The following PRKD1 variants were observed in gnomAD, a reference collection of about 807,000 sequenced individuals.
PRKD1 encodes the protein serine/threonine-protein kinase D1.
A neutral mutation model predicts 95.9 loss-of-function variants in PRKD1; 63 were observed. The ratio of observed to expected loss-of-function variants is 0.66; its 90% CI spans 0.54 to 0.81. PRKD1 has a LOEUF of 0.81. PRKD1 is among the 30% of genes least tolerant of loss of function. The probability of loss-of-function intolerance (pLI) is 0.00; values close to 1 mark genes in which losing one functional copy is unlikely to be tolerated. For missense variants in PRKD1, 1,048 were observed against 1,165.3 expected (o/e 0.90, Z 1.47); for synonymous variants, 425 against 423.1 (o/e 1.00, Z -0.05).
chr14:29,632,404 G>C (rs1412587845), intron 9 of PRKD1, among the ~76,000 whole-genome samples: 1 of 151,762 alleles, frequency 6.6e-6, no homozygotes, highest in Non-Finnish European at 1.5e-5. Flanking sequence ...AATGTAGAGG[G>C]ACAGAATAAA....
At chr14:29,618,578 C>A (rs989272762) in intron 13 of PRKD1, among the ~76,000 whole-genome samples, 1 of 152,040 alleles carries the variant, frequency 6.6e-6, no homozygotes, top group South Asian at 2.1e-4. Flanking sequence ...AACTAACACC[C>A]GTCTGAAACA....
At chr14:29,730,959 T>C (rs1886404556) in intron 1 of PRKD1, among the ~76,000 whole-genome samples, 1 of 152,112 alleles carries the variant, frequency 6.6e-6, no homozygotes, top group Non-Finnish European at 1.5e-5. Context: ...GATAATAATA[T>C]TATATTGTAT....
rs58908662 is a variant in PRKD1 at position 29,734,028 on chromosome 14, C to CTTTT, written c.265-8358_265-8355dup. On this transcript the variant is annotated intron_variant, in intron 1 of 17. Transcript: ENST00000331968. ...CTGGTTTTGAGTCATACTTTCCTGCCTTTTTTTTTTTTTTTTTTTTTTTTT... is the reference window on the plus strand; with the variant it reads ...CTGGTTTTGAGTCATACTTTCCTGCCTTTTTTTTTTTTTTTTTTTTTTTTTTTTT... 1.4e-3 allele frequency among the ~76,000 whole-genome samples: 91 copies of CTTTT among 64,668 alleles called. 14 individuals carry two copies. The highest frequency in any genetic ancestry group is 2.1e-3 in the African/African-American group (27 of 12,728). The allele number at this position is 64,668 out of a possible 152,430, so 42.4% of individuals were successfully genotyped here.
intron 2 of PRKD1, among the ~76,000 whole-genome samples, chr14:29,710,266 G>A (rs866198089): frequency 6.6e-6 from 1 of 151,930 alleles, no homozygotes; most frequent in South Asian, 2.1e-4. Flanking sequence ...GACAGAGTTG[G>A]GCAAAGGAAG....
chr14:29,646,571 A>AGAT (rs1454272318), intron 4 of PRKD1, among the ~76,000 whole-genome samples: 1 of 147,698 alleles, frequency 6.8e-6, no homozygotes, highest in Non-Finnish European at 1.5e-5. Context: ...ATAGATAGAT[A>AGAT]AATTTTTTTC....
chr14:29,750,270 G>A (rs1375647096), intron 1 of PRKD1, among the ~76,000 whole-genome samples: 1 of 152,130 alleles, frequency 6.6e-6, no homozygotes, highest in Non-Finnish European at 1.5e-5. Flanking sequence ...GTCATTGGTA[G>A]GTTCTTGGGA....
intron 1 of PRKD1, among the ~76,000 whole-genome samples, chr14:29,781,984 T>A (rs915751099): frequency 3.3e-5 from 5 of 152,220 alleles, no homozygotes; most frequent in African/African-American, 1.2e-4. Flanking sequence ...TTCTCTGATC[T>A]TGTCAAGAAT....
At chr14:29,641,434 T>C (rs549212397) in intron 4 of PRKD1, among the ~76,000 whole-genome samples, 12 of 152,300 alleles carry the variant, frequency 7.9e-5, no homozygotes, top group South Asian at 4.1e-4. Context: ...TGACACAGGG[T>C]GCATGCATAG....
At chr14:29,894,067 G>T (rs192788272) in intron 1 of PRKD1, among the ~76,000 whole-genome samples, 4 of 152,296 alleles carry the variant, frequency 2.6e-5, no homozygotes, top group Admixed American at 2.6e-4. Flanking sequence ...AATTCAGTGA[G>T]AAATGGGAGT....
At chr14:29,853,591 T>C (rs955456788) in intron 1 of PRKD1, among the ~76,000 whole-genome samples, 2 of 152,220 alleles carry the variant, frequency 1.3e-5, no homozygotes, top group Non-Finnish European at 2.9e-5. Context: ...CCGAAGGTCT[T>C]TGCACTATAT....
intron 10 of PRKD1, among the ~76,000 whole-genome samples, chr14:29,630,036 TC>T (rs1879884492): frequency 6.7e-6 from 1 of 149,728 alleles, no homozygotes; most frequent in African/African-American, 2.5e-5. Context: ...CTTCTTCTTC[TC>T]CCTCTTCTTT....
intron 12 of PRKD1, among the ~76,000 whole-genome samples, chr14:29,625,791 ATTAT>A (rs1879580201): frequency 6.6e-6 from 1 of 152,162 alleles, no homozygotes; most frequent in Admixed American, 6.6e-5. Context: ...GGACATTGTG[ATTAT>A]TTCAGAACAC....
At chr14:29,834,113 CTTTAA>C (rs779998639) in intron 1 of PRKD1, among the ~76,000 whole-genome samples, 8 of 152,076 alleles carry the variant, frequency 5.3e-5, no homozygotes, top group Non-Finnish European at 1.0e-4. Context: ...GTTCATGAAA[CTTTAA>C]TTTGTTTTAA....
At chr14:29,840,314 T>G (rs1159363652) in intron 1 of PRKD1, among the ~76,000 whole-genome samples, 1 of 152,140 alleles carries the variant, frequency 6.6e-6, no homozygotes, top group East Asian at 1.9e-4. Flanking sequence ...TCACCTTTGC[T>G]CCAGTTCCCA....
intron 2 of PRKD1, among the ~76,000 whole-genome samples, chr14:29,671,824 A>G (rs1480482247): frequency 6.6e-6 from 1 of 152,224 alleles, no homozygotes; most frequent in Non-Finnish European, 1.5e-5. Context: ...AGAACAGAAC[A>G]TATTCTAATA....
Position 29,733,781 on chromosome 14 carries a change from G to A in PRKD1, c.265-8107C>T, listed in dbSNP as rs182246757. Among the ~76,000 whole-genome samples, 462 of 152,180 alleles carry A rather than the reference G, an allele frequency of 3.0e-3. 1 individual carries two copies. Among genetic ancestry groups the A allele is most frequent in the Admixed American group, 9.4e-3 (144 of 15,282 alleles). On this transcript the variant is annotated intron_variant, in intron 1 of 17. Coordinates refer to ENST00000331968, the MANE Select transcript of PRKD1 (RefSeq NM_002742.3). ...GGGGATTATGGGGATTACAATTCAA[G>A]ATGAGATTTGGTTGGGGACACAAAG...
chr14:29,780,458 C>T (rs1220918135), intron 1 of PRKD1, among the ~76,000 whole-genome samples: 1 of 152,068 alleles, frequency 6.6e-6, no homozygotes, highest in African/African-American at 2.4e-5. Context: ...ATCGAACAAC[C>T]CCAACAAAAA....
At chr14:29,808,563 C>T (rs951958987) in intron 1 of PRKD1, among the ~76,000 whole-genome samples, 6 of 151,552 alleles carry the variant, frequency 4.0e-5, no homozygotes, top group African/African-American at 1.5e-4. Flanking sequence ...CCACACTCAG[C>T]TAATTTTTGT....
In PRKD1 at chr14:29,654,093, T is replaced by TA. The variant is rs202171238; in HGVS notation, c.696+9605dup. Among the ~76,000 whole-genome samples the TA allele has an allele frequency of 9.4e-3, 1,421 of 151,752 alleles. 17 individuals carry two copies. Among genetic ancestry groups the TA allele is most frequent in the African/African-American group, 0.027 (1,109 of 41,394 alleles). ...ACTTTTGAATAACTATTTTTTTTTT[T>TA]AAAAAAGCAGTATAACCTATTTGGA... On this transcript the variant is annotated intron_variant, in intron 4 of 17. Coordinates refer to ENST00000331968, the MANE Select transcript of PRKD1 (RefSeq NM_002742.3).
Sources: allele counts gnomAD v4.1 joint callset (sites outside exome capture counted in the v4.1 genomes callset), GRCh38; gene constraint gnomAD v4.1.1; transcripts MANE v1.5; gene names NCBI Gene and HGNC (gene_info 2026-07-23, HGNC 2026-07-21).